EPS8: variants seen among roughly 807,000 people sequenced by gnomAD.
The protein encoded by EPS8 is epidermal growth factor receptor kinase substrate 8.
Under a neutral mutation model 103.8 loss-of-function variants are expected in EPS8, and 42 were observed. The observed-to-expected ratio is 0.40, with a 90% CI of 0.32 to 0.52. The LOEUF is 0.52. Ranked by LOEUF, EPS8 falls within the 20% of genes least tolerant of loss-of-function variation. The pLI is 0.40. For missense variants in EPS8, 969 were observed against 1,005.1 expected (o/e 0.96, Z 0.49); for synonymous variants, 344 against 344.6 (o/e 1.00, Z 0.02).
Position 15,658,492 on chromosome 12 carries a change from C to A in EPS8, c.1026+5G>T. On this transcript the variant is annotated splice_donor_5th_base_variant and intron_variant, in intron 11 of 20. Transcript: ENST00000281172. ...TCTAATTCTATATACATAAATTTCA[C>A]TTACCAGAAGGTTAAATCCGTGTTT... is the stretch of plus-strand genomic sequence containing the variant. 1 of 1,571,552 alleles carries A rather than the reference C, an allele frequency of 6.4e-7. No homozygotes were observed. The highest frequency in any genetic ancestry group is 1.1e-5 in the South Asian group (1 of 89,804).
rs1300227619 is a variant in EPS8, at chr12:15,772,786, G to T, written c.-22+16375C>A. ...AAGAGAATATTCTTTTTATTTAAAAGAAGGCAAAAATCATTACAAACATAC... is the reference window on the plus strand; with the variant it reads ...AAGAGAATATTCTTTTTATTTAAAATAAGGCAAAAATCATTACAAACATAC... On this transcript the variant is annotated intron_variant, in intron 1 of 20. Coordinates refer to ENST00000281172, the MANE Select transcript of EPS8 (RefSeq NM_004447.6). This position sits in a 1 kb window ranked among gnomAD's most constrained non-coding sequence, Gnocchi z 5.0. Among the ~76,000 whole-genome samples, 1 of 152,086 alleles carries T rather than the reference G, an allele frequency of 6.6e-6. No homozygotes were observed. Among genetic ancestry groups the T allele is most frequent in the East Asian group, 1.9e-4 (1 of 5,198 alleles).
rs914162781 is a variant in EPS8, at chr12:15,748,223, G to A, written c.-22+40938C>T. Among the ~76,000 whole-genome samples the A allele has an allele frequency of 2.0e-5, 3 of 152,052 alleles. No individual in the cohort carries two copies. Among genetic ancestry groups the A allele is most frequent in the Non-Finnish European group, 4.4e-5 (3 of 68,030 alleles). ...ACCTTGTCTACTGCATAAGATCACT[G>A]AGAAGCAAATGATATAATAATGTAA... On this transcript the variant is annotated intron_variant, in intron 1 of 20. Coordinates refer to ENST00000281172, the MANE Select transcript of EPS8 (RefSeq NM_004447.6). The surrounding 1 kb of genome is among the most constrained non-coding windows in gnomAD (Gnocchi z 4.8).
In EPS8 at chr12:15,772,207, C is replaced by G. The variant is rs1321696617; in HGVS notation, c.-22+16954G>C. 2.0e-5 allele frequency among the ~76,000 whole-genome samples: 3 copies of G among 151,952 alleles called. No individual in the cohort carries two copies. Among genetic ancestry groups the G allele is most frequent in the Non-Finnish European group, 4.4e-5 (3 of 68,002 alleles). ...AAGAGTCCAGGAAAAATTCAGATTT[C>G]TAAGGTTGTCATTTGGATAAAAGTC... On this transcript the variant is annotated intron_variant, in intron 1 of 20. Transcript: ENST00000281172. This position sits in a 1 kb window ranked among gnomAD's most constrained non-coding sequence, Gnocchi z 5.0.
At chr12:15,644,797 A>G (rs1369163619) in intron 15 of EPS8, among the ~76,000 whole-genome samples, 1 of 152,194 alleles carries the variant, frequency 6.6e-6, no homozygotes, top group Non-Finnish European at 1.5e-5. Context: ...AAGGTCAACA[A>G]TAATTATTTA....
chr12:15,764,929 C>T lies in EPS8; in HGVS notation c.-22+24232G>A, dbSNP rs189088775. ...CAAGTACAATATCACTCTCCAAAAA[C>T]AGAAGACCATTAATCATTTTCCATT... On this transcript the variant is annotated intron_variant, in intron 1 of 20. Coordinates refer to ENST00000281172, the MANE Select transcript of EPS8 (RefSeq NM_004447.6). This position sits in a 1 kb window ranked among gnomAD's most constrained non-coding sequence, Gnocchi z 4.1. Among the ~76,000 whole-genome samples the T allele has an allele frequency of 3.3e-4, 51 of 152,250 alleles. No homozygotes were observed. Among genetic ancestry groups the T allele is most frequent in the African/African-American group, 1.2e-3 (50 of 41,554 alleles).
chr12:15,690,218 C>A lies in EPS8; in HGVS notation c.-21-7246G>T, dbSNP rs1488581669. Among the ~76,000 whole-genome samples the A allele has an allele frequency of 6.6e-6, 1 of 152,104 alleles. No homozygotes were observed. The highest frequency in any genetic ancestry group is 2.4e-5 in the African/African-American group (1 of 41,416). On this transcript the variant is annotated intron_variant, in intron 1 of 20. Coordinates refer to ENST00000281172, the MANE Select transcript of EPS8 (RefSeq NM_004447.6). The surrounding 1 kb of genome is among the most constrained non-coding windows in gnomAD (Gnocchi z 4.7). ...TACAATATATCTTTATAAATGCTTA[C>A]AACATACGAAGTGGAAAATGGTATC...
chr12:15,641,534 AAGG>A (rs964930009), intron 16 of EPS8, among the ~76,000 whole-genome samples, 185 bp downstream of exon 16: 1 of 151,978 alleles, frequency 6.6e-6, no homozygotes, highest in Non-Finnish European at 1.5e-5. Context: ...AAAACAAATA[AAGG>A]AGTATTCTAA....
chr12:15,674,722 G>C (rs1945874316), intron 3 of EPS8, among the ~76,000 whole-genome samples: 1 of 152,016 alleles, frequency 6.6e-6, no homozygotes, highest in Admixed American at 6.6e-5. Context: ...CTGTCTTTTT[G>C]AGTCAACTGT....
chr12:15,774,082 C>T (rs1354603700), intron 1 of EPS8, among the ~76,000 whole-genome samples: 1 of 151,444 alleles, frequency 6.6e-6, no homozygotes, highest in African/African-American at 2.4e-5. Context: ...CATCTTTTAC[C>T]AATATATTCA....
intron 12 of EPS8, chr12:15,654,508 T>G: frequency 1.8e-6 from 1 of 564,306 alleles, no homozygotes; most frequent in Admixed American, 3.2e-5. Flanking sequence ...GTTAACAATT[T>G]AACAACTTTC....
In EPS8 at chr12:15,620,281, A is replaced by G. The variant is rs1335653170; in HGVS notation, c.*1036T>C. On this transcript the variant is annotated 3_prime_UTR_variant, in exon 21 of 21. Transcript: ENST00000281172. The stretch of plus-strand genomic sequence containing the variant: ...AATGATTTATGTTAAAATATACAAC[A>G]TTCTTACATAACATCTGTTTTATAT... 3 of 152,694 alleles carry G rather than the reference A, an allele frequency of 2.0e-5. No individual in the cohort carries two copies. Among genetic ancestry groups the G allele is most frequent in the African/African-American group, 4.8e-5 (2 of 41,480 alleles). 9.5% of individuals were successfully genotyped at this position (152,694 alleles called of 1,614,324 possible).
At position 15,666,503 on chromosome 12, in the gene EPS8, T is replaced by A. The variant is rs746700397; in HGVS notation, c.536A>T (p.Asp179Val). 6.2e-7 allele frequency: 1 copy of A among 1,613,876 alleles called. No homozygotes were observed. The highest frequency in any genetic ancestry group is 2.2e-5 in the East Asian group (1 of 44,860). Residue 179 changes from aspartate to valine, a missense_variant, in exon 7 of 21, where the codon GAT becomes GTT. Physicochemically the swap from Asp to Val is radical, Grantham distance 152. Transcript: ENST00000281172. ...DEVKANLISE[D>V]IESAISDSKG... ...ACTGTCACTGATTGCACTTTCAATA[T>A]CTTCACTAATTAGGTTTGCCTGCAA...
In EPS8 at chr12:15,697,223, C is replaced by T. The variant is rs1214416139; in HGVS notation, c.-21-14251G>A. Among the ~76,000 whole-genome samples, 2 of 152,066 alleles carry T rather than the reference C, an allele frequency of 1.3e-5. No individual in the cohort carries two copies. The highest frequency in any genetic ancestry group is 1.3e-4 in the Admixed American group (2 of 15,272). On this transcript the variant is annotated intron_variant, in intron 1 of 20. Coordinates refer to ENST00000281172, the MANE Select transcript of EPS8 (RefSeq NM_004447.6). This position sits in a 1 kb window ranked among gnomAD's most constrained non-coding sequence, Gnocchi z 5.6. ...AAACTGATTAAAATGTCTAAATAAC[C>T]CCCCAAATTAACTCCAGCTCTTGAT... is the stretch of plus-strand genomic sequence containing the variant.
chr12:15,662,761 G>T, intron 8 of EPS8: 2 of 568,052 alleles, frequency 3.5e-6, no homozygotes, highest in Non-Finnish European at 4.5e-6. Context: ...TTCCTGGTAT[G>T]AGTCAGTTAA....
At position 15,640,899 on chromosome 12, in the gene EPS8, G is replaced by C. The variant is rs760424229; in HGVS notation, c.1678-53C>G. On this transcript the variant is annotated intron_variant, in intron 16 of 20. Coordinates refer to ENST00000281172, the MANE Select transcript of EPS8 (RefSeq NM_004447.6). Reference sequence around the variant, plus strand: ...AATTTCCATATAAAAGCCATTCTACGAAAGAAGTTCCCTAGACTTCAACAA... The same window carrying C: ...AATTTCCATATAAAAGCCATTCTACCAAAGAAGTTCCCTAGACTTCAACAA... 1.1e-5 allele frequency: 17 copies of C among 1,562,512 alleles called. No homozygotes were observed. The African/African-American group carries it at 2.3e-4, about 21-fold the overall frequency.
At chr12:15,622,050 G>C (rs1944868970) in intron 20 of EPS8, among the ~76,000 whole-genome samples, 1 of 152,164 alleles carries the variant, frequency 6.6e-6, no homozygotes, top group Admixed American at 6.5e-5. Context: ...AGAATAGGAA[G>C]AGAACAAGAA....
chr12:15,698,895 T>C lies in EPS8; in HGVS notation c.-21-15923A>G, dbSNP rs563682115. Among the ~76,000 whole-genome samples the C allele has an allele frequency of 2.7e-4, 41 of 152,338 alleles. No homozygotes were observed. Among genetic ancestry groups the C allele is most frequent in the Middle Eastern group, 3.4e-3 (1 of 294 alleles). On this transcript the variant is annotated intron_variant, in intron 1 of 20. Transcript: ENST00000281172. This position sits in a 1 kb window ranked among gnomAD's most constrained non-coding sequence, Gnocchi z 4.9. ...CAATGTAGCATATTCTTGTAATTGTTGTATATGTCAAGAATGAAAATCAAA... is the reference window on the plus strand; with the variant it reads ...CAATGTAGCATATTCTTGTAATTGTCGTATATGTCAAGAATGAAAATCAAA...
At position 15,736,012 on chromosome 12, in the gene EPS8, A is replaced by C. The variant is rs947571509; in HGVS notation, c.-21-53040T>G. 5.3e-5 allele frequency among the ~76,000 whole-genome samples: 8 copies of C among 152,112 alleles called. No homozygotes were observed. Among genetic ancestry groups the C allele is most frequent in the African/African-American group, 1.9e-4 (8 of 41,420 alleles). ...GCAATCCTTCCACCTTGGCCTCCCA[A>C]GTAGCTAGGACTACAGGTGCGTACC... On this transcript the variant is annotated intron_variant, in intron 1 of 20. Transcript: ENST00000281172. The surrounding 1 kb of genome is among the most constrained non-coding windows in gnomAD (Gnocchi z 4.2).
At chr12:15,649,110 C>T (rs962386517) in intron 14 of EPS8, among the ~76,000 whole-genome samples, 1 of 152,152 alleles carries the variant, frequency 6.6e-6, no homozygotes, top group Non-Finnish European at 1.5e-5. Context: ...TGAATAACTA[C>T]TTCAGCCATA....
Sources: allele counts gnomAD v4.1 joint callset (sites outside exome capture counted in the v4.1 genomes callset), GRCh38; gene constraint gnomAD v4.1.1; non-coding constraint Gnocchi (gnomAD v3.1); transcripts MANE v1.5; gene names NCBI Gene and HGNC (gene_info 2026-07-23, HGNC 2026-07-21).